Variants in CUL3 observed in about 807,000 individuals in gnomAD.
CUL3 encodes cullin 3.
CUL3 carries 19 observed loss-of-function variants against 89.1 expected under a neutral mutation model. The ratio of observed to expected loss-of-function variants is 0.21; its 90% CI spans 0.15 to 0.31. The LOEUF (loss-of-function observed/expected upper bound fraction) is 0.31. Ranked by LOEUF, CUL3 falls within the 10% of genes least tolerant of loss-of-function variation. The pLI, the probability that CUL3 is intolerant of heterozygous loss-of-function variation, is 1.00. For missense variants in CUL3, 469 were observed against 942.3 expected (o/e 0.50, Z 6.58); for synonymous variants, 351 against 308.4 (o/e 1.14, Z -1.45).
chr2:224,477,466 C>T (rs1691366901), intron 15 of CUL3, among the ~76,000 whole-genome samples: 1 of 152,236 alleles, frequency 6.6e-6, no homozygotes, highest in Non-Finnish European at 1.5e-5. Flanking sequence ...GTAGTTTTAA[C>T]TGCATTCTCA....
chr2:224,565,706 G>C (rs746705018), intron 1 of CUL3, among the ~76,000 whole-genome samples: 1 of 152,058 alleles, frequency 6.6e-6, no homozygotes, highest in Non-Finnish European at 1.5e-5. Context: ...GTTCAGAAGC[G>C]CTCATCTCCA....
chr2:224,540,043 A>G (rs1318821167), intron 2 of CUL3, among the ~76,000 whole-genome samples: 1 of 140,422 alleles, frequency 7.1e-6, no homozygotes, highest in Non-Finnish European at 1.5e-5. Context: ...AAATCTTAGT[A>G]CCTTCCATCC....
intron 6 of CUL3, among the ~76,000 whole-genome samples, chr2:224,510,681 T>C (rs562365253): frequency 6.6e-6 from 1 of 152,316 alleles, no homozygotes. Context: ...ATAGAGGATA[T>C]GGTTATTGTT....
chr2:224,530,750 T>C (rs573199767), intron 3 of CUL3, among the ~76,000 whole-genome samples: 36 of 151,758 alleles, frequency 2.4e-4, no homozygotes, highest in African/African-American at 8.2e-4. Context: ...CTACCAAAAA[T>C]ACAAAAATTA....
At chr2:224,546,749 T>TA (rs1041773942) in intron 2 of CUL3, among the ~76,000 whole-genome samples, 1 of 152,156 alleles carries the variant, frequency 6.6e-6, no homozygotes, top group African/African-American at 2.4e-5. Context: ...GCAAACTTGT[T>TA]AAAACAACAC....
In CUL3 at chr2:224,503,066, A is replaced by T. The variant is rs2106194901; in HGVS notation, c.1384T>A (p.Cys462Ser). The change falls in exon 10 of 16, where the codon TGT becomes AGT. Residue 462 changes from cysteine to serine, a missense_variant. Cys to Ser is a moderately radical substitution (Grantham distance 112). Around this residue, in one of 4 missense-constraint regions of CUL3, gnomAD observed 370 missense variants for 733.2 expected, o/e 0.50. Coordinates refer to ENST00000264414, the MANE Select transcript of CUL3 (RefSeq NM_003590.5). ...KNMISKLKTE[C>S]GCQFTSKLEG... Reference sequence around the variant, plus strand: ...AGTTTTGACGTGAACTGACATCCACATTCAGTCTGTGGAGGAAAAACACAA... The same window carrying T: ...AGTTTTGACGTGAACTGACATCCACTTTCAGTCTGTGGAGGAAAAACACAA... 1 of 1,607,580 alleles carries T rather than the reference A, an allele frequency of 6.2e-7. No individual in the cohort carries two copies. The highest frequency in any genetic ancestry group is 8.5e-7 in the Non-Finnish European group (1 of 1,174,228).
chr2:224,491,435 C>T (rs1321824774), intron 13 of CUL3, among the ~76,000 whole-genome samples: 1 of 152,034 alleles, frequency 6.6e-6, no homozygotes, highest in African/African-American at 2.4e-5. Context: ...ATTTTCTTTC[C>T]AACAAAACTC....
At chr2:224,581,694 G>C (rs1192494296) in intron 1 of CUL3, among the ~76,000 whole-genome samples, 1 of 151,514 alleles carries the variant, frequency 6.6e-6, no homozygotes. Flanking sequence ...GTAGAGACAG[G>C]GGTTTGCATG....
intron 13 of CUL3, among the ~76,000 whole-genome samples, chr2:224,486,024 T>C (rs545711269): frequency 6.6e-6 from 1 of 152,326 alleles, no homozygotes; most frequent in East Asian, 1.9e-4. Flanking sequence ...AGAGGCCTGA[T>C]TGTTAGAAGG....
intron 1 of CUL3, chr2:224,563,136 A>G: frequency 2.4e-6 from 1 of 408,614 alleles, no homozygotes; most frequent in Non-Finnish European, 5.0e-6. Context: ...AGCTTAGCAA[A>G]TATACAGATA....
At chr2:224,572,209 T>C (rs1574706667) in intron 1 of CUL3, among the ~76,000 whole-genome samples, 1 of 152,198 alleles carries the variant, frequency 6.6e-6, no homozygotes, top group Non-Finnish European at 1.5e-5. Context: ...AGTGTATCCC[T>C]TGGTAAACCA....
At chr2:224,555,799 C>T (rs1213712425) in intron 2 of CUL3, among the ~76,000 whole-genome samples, 1 of 152,162 alleles carries the variant, frequency 6.6e-6, no homozygotes, top group African/African-American at 2.4e-5. Context: ...CCCATAAAAT[C>T]TTACATCCCA....
In CUL3 at chr2:224,474,108, G is replaced by A. The variant is rs898066518; in HGVS notation, c.*137C>T. 7.1e-6 allele frequency: 6 copies of A among 840,162 alleles called. No homozygotes were observed. The highest frequency in any genetic ancestry group is 1.1e-5 in the Non-Finnish European group (6 of 567,786). The allele number at this position is 840,162 out of a possible 1,614,324, so 52.0% of individuals were successfully genotyped here. A position where few individuals can be genotyped will look rare whatever the true frequency, so the allele number is the denominator to read the frequency against. ...TTGGAAACTCTCAAAGGGAGTAAAG[G>A]CTTGATCTCAATGGTCTAGAACATG... On this transcript the variant is annotated 3_prime_UTR_variant, in exon 16 of 16. Transcript: ENST00000264414.
chr2:224,482,297 CAT>C (rs1245662416), intron 13 of CUL3, among the ~76,000 whole-genome samples: 1 of 151,952 alleles, frequency 6.6e-6, no homozygotes, highest in African/African-American at 2.4e-5. Flanking sequence ...ATTAAAAAGA[CAT>C]GTACTTTTTT....
intron 11 of CUL3, 94 bp downstream of exon 11, chr2:224,500,269 A>G (rs1271770836): frequency 1.4e-6 from 2 of 1,412,844 alleles, no homozygotes; most frequent in Non-Finnish European, 2.0e-6. Flanking sequence ...AATGGAATAC[A>G]TTCATCCTCA....
intron 1 of CUL3, among the ~76,000 whole-genome samples, chr2:224,581,161 C>T (rs190955825): frequency 7.2e-5 from 11 of 152,134 alleles, no homozygotes; most frequent in African/African-American, 2.6e-4. Context: ...CTTTGAGAGG[C>T]CAAGGCAGGC....
chr2:224,515,938 C>A (rs1693023176), intron 3 of CUL3, among the ~76,000 whole-genome samples: 1 of 152,126 alleles, frequency 6.6e-6, no homozygotes. Flanking sequence ...GATCTGCCCA[C>A]CTTGGCCTCC....
chr2:224,575,389 C>G (rs2106324253), intron 1 of CUL3, among the ~76,000 whole-genome samples: 1 of 152,168 alleles, frequency 6.6e-6, no homozygotes, highest in Middle Eastern at 3.4e-3. Flanking sequence ...TCAGTGGGGG[C>G]AAATAGGTAG....
chr2:224,488,666 C>G (rs1304995876), intron 13 of CUL3, among the ~76,000 whole-genome samples: 1 of 152,100 alleles, frequency 6.6e-6, no homozygotes. Flanking sequence ...GATTCACAGT[C>G]GAATTCTACC....
Sources: gnomAD v4.1 joint callset for allele counts (sites outside exome capture counted in the v4.1 genomes callset) on GRCh38, gnomAD v4.1.1 for gene constraint, gnomAD v4.1.1 regional missense constraint, MANE v1.5 for transcripts, NCBI Gene and HGNC (gene_info 2026-07-23, HGNC 2026-07-21) for gene names.